TCF4: variants seen among roughly 807,000 people sequenced by gnomAD.
TCF4 encodes the protein transcription factor 4.
TCF4 carries 3 observed loss-of-function variants against 82.1 expected under a neutral mutation model. The observed-to-expected ratio is 0.04, with a 90% CI of 0.02 to 0.09. The LOEUF is 0.09. TCF4 is among the 10% of genes least tolerant of loss of function. TCF4 has a pLI of 1.00. For synonymous variants in TCF4, 276 were observed against 309.6 expected (o/e 0.89, Z 1.14); for missense variants, 518 against 852.7 (o/e 0.61, Z 4.89).
intron 16 of TCF4, among the ~76,000 whole-genome samples, chr18:55,233,062 T>G (rs2048346289): frequency 6.6e-6 from 1 of 152,224 alleles, no homozygotes; most frequent in African/African-American, 2.4e-5. Context: ...TAAAATATAA[T>G]TCCCAGGGAG....
chr18:55,261,612 C>A (rs1239668519), intron 11 of TCF4, 79 bp from the exon 12 acceptor site: 2 of 1,487,286 alleles, frequency 1.3e-6, no homozygotes, highest in Admixed American at 3.3e-5. Context: ...CATTTACTCA[C>A]AATTTAATTG....
At chr18:55,311,785 C>T (rs2072544359) in intron 8 of TCF4, among the ~76,000 whole-genome samples, 1 of 152,170 alleles carries the variant, frequency 6.6e-6, no homozygotes, top group Admixed American at 6.5e-5. Flanking sequence ...TCATTTTCAA[C>T]TAAATGTTCT....
chr18:55,468,714 A>G (rs2096089341), intron 3 of TCF4, among the ~76,000 whole-genome samples: 1 of 152,228 alleles, frequency 6.6e-6, no homozygotes, highest in South Asian at 2.1e-4. Context: ...AAATGAGTTA[A>G]AACAGCAGAA....
upstream of TCF4, among the ~76,000 whole-genome samples, chr18:55,590,640 A>C (rs746108494): frequency 1.3e-5 from 2 of 152,220 alleles, no homozygotes; most frequent in Non-Finnish European, 2.9e-5. Flanking sequence ...TGCTAAATCA[A>C]CTGATACCGC....
chr18:55,466,041 C>T (rs2096009853), intron 3 of TCF4, among the ~76,000 whole-genome samples: 1 of 152,172 alleles, frequency 6.6e-6, no homozygotes, highest in African/African-American at 2.4e-5. Context: ...ACGCTACTGC[C>T]AGGTCAGTGG....
intron 15 of TCF4, among the ~76,000 whole-genome samples, chr18:55,248,256 CA>C (rs2053923073): frequency 6.6e-6 from 1 of 152,122 alleles, no homozygotes. Flanking sequence ...CTAGAGAAGG[CA>C]AATATCCTAA....
At chr18:55,538,822 T>C (rs2097140849) in intron 3 of TCF4, among the ~76,000 whole-genome samples, 1 of 152,146 alleles carries the variant, frequency 6.6e-6, no homozygotes. Context: ...TGTAAGATTT[T>C]ACAGGCGAAA....
rs9951710 is a variant in TCF4, at chr18:55,446,760, G to A, written c.304+14259C>T. Among the ~76,000 whole-genome samples, 377 of 152,058 alleles carry A rather than the reference G, an allele frequency of 2.5e-3. 1 individual carries two copies. Among genetic ancestry groups the A allele is most frequent in the African/African-American group, 8.5e-3 (351 of 41,482 alleles). ...AGTACTTTGGGAGGCCGAGGCAGGC[G>A]GATCACTAGGTCAGGAGATGGAGAC... On this transcript the variant is annotated intron_variant, in intron 5 of 19. Coordinates refer to ENST00000354452, the MANE Select transcript of TCF4 (RefSeq NM_001083962.2).
At chr18:55,322,333 T>A in intron 8 of TCF4, 1 of 1,012,972 alleles carries the variant, frequency 9.9e-7, no homozygotes, top group Non-Finnish European at 1.2e-6. Context: ...CTAATAACTC[T>A]GCCATCTGTC....
chr18:55,537,461 G>A (rs922391864), intron 3 of TCF4, among the ~76,000 whole-genome samples: 10 of 151,998 alleles, frequency 6.6e-5, no homozygotes, highest in South Asian at 6.2e-4. Flanking sequence ...GTGGTGGCAC[G>A]TGCCTGTGAT....
At chr18:55,556,053 T>G (rs1019236116) in intron 3 of TCF4, among the ~76,000 whole-genome samples, 1 of 152,220 alleles carries the variant, frequency 6.6e-6, no homozygotes, top group Non-Finnish European at 1.5e-5. Context: ...CCTTATTAAC[T>G]GCATGTGTCT....
At chr18:55,493,936 T>C (rs1006532235) in intron 3 of TCF4, among the ~76,000 whole-genome samples, 8 of 152,118 alleles carry the variant, frequency 5.3e-5, no homozygotes, top group African/African-American at 1.7e-4. Context: ...TTCACATACA[T>C]TGAAATAATG....
intron 3 of TCF4, among the ~76,000 whole-genome samples, chr18:55,566,175 T>G (rs2097404624): frequency 6.6e-6 from 1 of 152,002 alleles, no homozygotes; most frequent in African/African-American, 2.4e-5. Flanking sequence ...ATCATGCCAC[T>G]GCACTCCAGC....
At chr18:55,585,515 T>A in intron 2 of TCF4, 163 bp from the exon 3 acceptor site, 6 of 723,502 alleles carry the variant, frequency 8.3e-6, no homozygotes, top group Non-Finnish European at 1.4e-5. Context: ...AGAAACAACA[T>A]TACAGATCCC....
intron 3 of TCF4, among the ~76,000 whole-genome samples, chr18:55,573,423 C>T (rs2097495901): frequency 6.6e-6 from 1 of 152,132 alleles, no homozygotes; most frequent in Non-Finnish European, 1.5e-5. Context: ...AACCAGCAAC[C>T]CTGTCTCTCA....
chr18:55,554,597 A>C (rs1275278147), intron 3 of TCF4, among the ~76,000 whole-genome samples: 1 of 152,224 alleles, frequency 6.6e-6, no homozygotes, highest in Non-Finnish European at 1.5e-5. Context: ...AAAGTATTAA[A>C]AACATATCTG....
At position 55,392,784 on chromosome 18, in the gene TCF4, T is replaced by A. The variant is rs149625266; in HGVS notation, c.369+10670A>T. Among the ~76,000 whole-genome samples the A allele has an allele frequency of 1.3e-3, 196 of 152,304 alleles. 1 individual carries two copies. Among genetic ancestry groups the A allele is most frequent in the African/African-American group, 4.3e-3 (180 of 41,576 alleles). On this transcript the variant is annotated intron_variant, in intron 6 of 19. Transcript: ENST00000354452. Reference sequence around the variant, plus strand: ...TGTGTGTGTTTCATATATATAGACATACATAATTCAGATATATACGATATA... The same window carrying A: ...TGTGTGTGTTTCATATATATAGACAAACATAATTCAGATATATACGATATA...
At chr18:55,520,613 C>T (rs916241498) in intron 3 of TCF4, among the ~76,000 whole-genome samples, 1 of 152,098 alleles carries the variant, frequency 6.6e-6, no homozygotes, top group Non-Finnish European at 1.5e-5. Context: ...ACATTTTTCC[C>T]TGAAAAACAT....
intron 8 of TCF4, among the ~76,000 whole-genome samples, chr18:55,281,206 C>T (rs1290017146): frequency 6.6e-6 from 1 of 152,022 alleles, no homozygotes; most frequent in African/African-American, 2.4e-5. Context: ...TTTTAAGAAA[C>T]AAAGAATAAA....
Sources: gnomAD v4.1 joint callset for allele counts (sites outside exome capture counted in the v4.1 genomes callset) on GRCh38, gnomAD v4.1.1 for gene constraint, MANE v1.5 for transcripts, NCBI Gene and HGNC (gene_info 2026-07-23, HGNC 2026-07-21) for gene names.